C5orf15: variants seen among roughly 807,000 people sequenced by gnomAD.
C5orf15 encodes keratinocyte-associated transmembrane protein 2.
A neutral mutation model predicts 17.8 loss-of-function variants in C5orf15; 10 were observed. That is an observed-to-expected ratio of 0.56 (90% CI 0.35 to 0.95). The LOEUF (loss-of-function observed/expected upper bound fraction) is 0.95. Ranked by LOEUF, C5orf15 falls within the 40% of genes least tolerant of loss-of-function variation. C5orf15 has a pLI of 0.02. For synonymous variants in C5orf15, 124 were observed against 131.0 expected (o/e 0.95, Z 0.36); for missense variants, 319 against 331.7 (o/e 0.96, Z 0.30).
intron 1 of C5orf15, among the ~76,000 whole-genome samples, chr5:133,960,940 A>T (rs887416319): frequency 2.6e-4 from 37 of 143,326 alleles, no homozygotes; most frequent in Non-Finnish European, 4.6e-4. Context: ...TAAAAAAATA[A>T]AAAAAAAAAA....
chr5:133,967,764 C>A (rs1752217097), intron 1 of C5orf15, among the ~76,000 whole-genome samples: 1 of 152,204 alleles, frequency 6.6e-6, no homozygotes, highest in Non-Finnish European at 1.5e-5. Context: ...AGGGGCCCAA[C>A]GCCCCAGTAC....
chr5:133,958,126 A>G (rs1339864257), intron 2 of C5orf15, among the ~76,000 whole-genome samples: 1 of 152,032 alleles, frequency 6.6e-6, no homozygotes, highest in Non-Finnish European at 1.5e-5. Context: ...GCTCACGCCT[A>G]TAATCTCAAT....
chr5:133,967,187 A>C (rs1010206901), intron 1 of C5orf15, among the ~76,000 whole-genome samples: 4 of 152,374 alleles, frequency 2.6e-5, no homozygotes, highest in Middle Eastern at 3.4e-3. Context: ...TGCATCAACC[A>C]GGGAAATCCT....
chr5:133,967,577 A>T (rs1231722077), intron 1 of C5orf15: 3 of 152,228 alleles, frequency 2.0e-5, no homozygotes, highest in Non-Finnish European at 4.4e-5. Flanking sequence ...TTTCTCAATA[A>T]AAGCCTTCAA....
chr5:133,963,951 G>A (rs1752159141), intron 1 of C5orf15, among the ~76,000 whole-genome samples: 1 of 152,196 alleles, frequency 6.6e-6, no homozygotes, highest in Non-Finnish European at 1.5e-5. Flanking sequence ...AGGACTGGTG[G>A]CTCACACCTG....
In C5orf15 at chr5:133,956,924, G is replaced by A. The variant is rs923503504; in HGVS notation, c.733C>T (p.Arg245Cys). ...GCCTCATTAACATTCTGATCTAGGC[G>A]ATGGTATTCCACTGTTTTGGAACAA... ...GLCSKTVEYH[R>C]LDQNVNEAMP... The change falls in exon 3 of 3, where the codon CGC becomes TGC. Residue 245 changes from arginine (R) to cysteine (C), a missense_variant. Arg to Cys is a radical substitution (Grantham distance 180). This residue lies in a region of C5orf15 where 175 missense variants were observed against 192.4 expected (regional missense o/e 0.91). Coordinates refer to ENST00000231512, the MANE Select transcript of C5orf15 (RefSeq NM_020199.3). 1.1e-5 allele frequency: 18 copies of A among 1,610,918 alleles called. No individual in the cohort carries two copies. The highest frequency in any genetic ancestry group is 2.7e-5 in the African/African-American group (2 of 74,822).
chr5:133,961,279 C>G (rs1178352594), intron 1 of C5orf15, among the ~76,000 whole-genome samples: 1 of 138,252 alleles, frequency 7.2e-6, no homozygotes, highest in African/African-American at 2.7e-5. Context: ...GGCCCTGTGG[C>G]TCACGCCTGT....
chr5:133,960,467 G>A (rs192005506), intron 1 of C5orf15, among the ~76,000 whole-genome samples: 87 of 152,234 alleles, frequency 5.7e-4, no homozygotes, highest in African/African-American at 1.9e-3. Context: ...AAAAAGATAT[G>A]GAGTTTGGAC....
At chr5:133,959,167 A>C (rs1166572169) in intron 2 of C5orf15, among the ~76,000 whole-genome samples, 2 of 152,130 alleles carry the variant, frequency 1.3e-5, no homozygotes, top group African/African-American at 4.8e-5. Flanking sequence ...GGAGTTCAAG[A>C]ACAGCCTGGG....
Position 133,955,542 on chromosome 5 carries a change from A to G in C5orf15, c.*1317T>C, listed in dbSNP as rs757726566. On this transcript the variant is annotated 3_prime_UTR_variant, in exon 3 of 3. Transcript: ENST00000231512. The stretch of plus-strand genomic sequence containing the variant: ...ATATCTTTGCCATTTATTTTTTAAA[A>G]TCTTATTCAAAATATTAAATAATAG... The G allele has an allele frequency of 6.5e-6, 1 of 152,676 alleles. No homozygotes were observed. The highest frequency in any genetic ancestry group is 6.5e-5 in the Admixed American group (1 of 15,290). The allele number at this position is 152,676 out of a possible 1,614,324, so 9.5% of individuals were successfully genotyped here. A position where few individuals can be genotyped will look rare whatever the true frequency, so the allele number is the denominator to read the frequency against.
chr5:133,967,505 A>C (rs1752214015), intron 1 of C5orf15: 1 of 152,244 alleles, frequency 6.6e-6, no homozygotes, highest in South Asian at 2.1e-4. Flanking sequence ...TTTAATCCTT[A>C]CAAGTTCTTA....
Position 133,968,432 on chromosome 5 carries a change from C to T in C5orf15, c.139+14G>A. 6.2e-7 allele frequency: 1 copy of T among 1,601,386 alleles called. No individual in the cohort carries two copies. The highest frequency in any genetic ancestry group is 2.2e-5 in the East Asian group (1 of 44,496). ...TCCTAGCCTTCCTAAGCCCACACTG[C>T]CGCCCCCCTTTACCACTGGATAGAG... On this transcript the variant is annotated intron_variant, in intron 1 of 2. Coordinates refer to ENST00000231512, the MANE Select transcript of C5orf15 (RefSeq NM_020199.3).
At chr5:133,966,657 A>G (rs1270752299) in intron 1 of C5orf15, among the ~76,000 whole-genome samples, 2 of 152,226 alleles carry the variant, frequency 1.3e-5, no homozygotes, top group Non-Finnish European at 2.9e-5. Flanking sequence ...AACTCACTTG[A>G]AATTTGGAAC....
chr5:133,959,235 T>G (rs1348964993), intron 2 of C5orf15, among the ~76,000 whole-genome samples: 1 of 151,678 alleles, frequency 6.6e-6, no homozygotes, highest in Non-Finnish European at 1.5e-5. Flanking sequence ...AATTTAATAA[T>G]TTTTAAAAAT....
chr5:133,968,382 T>C (rs143104072), intron 1 of C5orf15, 64 bp downstream of exon 1: 120 of 1,560,928 alleles, frequency 7.7e-5, no homozygotes, highest in Non-Finnish European at 1.0e-4. Flanking sequence ...TGGCCCGGCC[T>C]GTCTCCTGCC....
intron 1 of C5orf15, among the ~76,000 whole-genome samples, chr5:133,960,331 A>G (rs1033480743): frequency 1.3e-5 from 2 of 152,200 alleles, no homozygotes; most frequent in Non-Finnish European, 2.9e-5. Flanking sequence ...AAGTTCACAT[A>G]CAGCCCTCAC....
chr5:133,957,022 G>C (rs1752051406), intron 2 of C5orf15, 32 bp from the exon 3 acceptor site: 1 of 1,514,252 alleles, frequency 6.6e-7, no homozygotes, highest in Non-Finnish European at 9.1e-7. Flanking sequence ...ATAGGCAAAA[G>C]AGAAAACAGA....
In C5orf15 at chr5:133,968,624, A is replaced by C; in HGVS notation, c.-40T>G. The stretch of plus-strand genomic sequence containing the variant: ...GGAGCCTGCGCTGTTGCTAGGCTCT[A>C]CGCCATGAGGTCAGACGCCGCGGCC... On this transcript the variant is annotated 5_prime_UTR_variant, in exon 1 of 3. Transcript: ENST00000231512. 1 of 1,575,470 alleles carries C rather than the reference A, an allele frequency of 6.3e-7. No homozygotes were observed. Among genetic ancestry groups the C allele is most frequent in the Middle Eastern group, 1.7e-4 (1 of 5,840 alleles).
In C5orf15 at chr5:133,956,828, A is replaced by G. The variant is rs1179807979; in HGVS notation, c.*31T>C. On this transcript the variant is annotated 3_prime_UTR_variant, in exon 3 of 3. Coordinates refer to ENST00000231512, the MANE Select transcript of C5orf15 (RefSeq NM_020199.3). ...ATCATATAAAAAGTCAAGCAAATAA[A>G]ATTACATAAGCAAATTCAAATCACA... 6.4e-7 allele frequency: 1 copy of G among 1,565,552 alleles called. No homozygotes were observed. The highest frequency in any genetic ancestry group is 8.6e-7 in the Non-Finnish European group (1 of 1,161,258).
Sources: allele counts gnomAD v4.1 joint callset (sites outside exome capture counted in the v4.1 genomes callset), GRCh38; gene constraint gnomAD v4.1.1; regional missense constraint gnomAD v4.1.1; transcripts MANE v1.5; gene names NCBI Gene and HGNC (gene_info 2026-07-23, HGNC 2026-07-21).